Variants in ARHGEF4 observed in about 807,000 individuals in gnomAD.
ARHGEF4 encodes APC-stimulated guanine nucleotide exchange factor 1.
In ARHGEF4, 119 loss-of-function variants were observed where a neutral mutation model predicts 162.0. That is an observed-to-expected ratio of 0.73 (90% CI 0.63 to 0.86). ARHGEF4 has a LOEUF of 0.86. Among genes scored for constraint, ARHGEF4 ranks in the 40% least tolerant of loss-of-function variants. The probability of loss-of-function intolerance (pLI) is 0.00; values close to 1 mark genes in which losing one functional copy is unlikely to be tolerated. For synonymous variants in ARHGEF4, 1,014 were observed against 979.9 expected (o/e 1.03, Z -0.65); for missense variants, 2,488 against 2,456.0 (o/e 1.01, Z -0.28).
rs1386832171 is a variant in ARHGEF4, at chr2:130,916,791, C to G, written c.2845C>G (p.Gln949Glu). The part of the protein sequence containing the change: ...KGEKEKSRLR[Q>E]GSWRAFLKSK... ...CGAGAAGGAGAAGAGCAGGCTGCGC[C>G]AGGGTTCCTGGCGGGCGTTTCTGAA... The change falls in exon 2 of 14, where the codon CAG becomes GAG. Residue 949 changes from glutamine (Q) to glutamate (E), a missense_variant. Coordinates refer to ENST00000409359, the MANE Select transcript of ARHGEF4 (RefSeq NM_001367493.1). 1.1e-5 allele frequency: 17 copies of G among 1,550,406 alleles called. No individual in the cohort carries two copies. Among genetic ancestry groups the G allele is most frequent in the African/African-American group, 1.4e-5 (1 of 73,020 alleles).
At chr2:131,039,768 GGGT>G (rs1690616870) in intron 6 of ARHGEF4, 2 of 1,378,758 alleles carry the variant, frequency 1.5e-6, no homozygotes, top group Non-Finnish European at 1.9e-6. Context: ...GGCACAAGCA[GGGT>G]CTAGGAAGGA....
chr2:130,934,222 G>C (rs1682805472), intron 3 of ARHGEF4, among the ~76,000 whole-genome samples: 1 of 152,138 alleles, frequency 6.6e-6, no homozygotes, highest in Middle Eastern at 3.4e-3. Flanking sequence ...CTATTAATGT[G>C]GTATATTACA....
chr2:131,026,314 T>A (rs1206305912), intron 4 of ARHGEF4, among the ~76,000 whole-genome samples: 3 of 152,220 alleles, frequency 2.0e-5, no homozygotes, highest in Non-Finnish European at 4.4e-5. Flanking sequence ...ATGACTGAGG[T>A]TGGAAAGAAT....
intron 1 of ARHGEF4, 104 bp from the exon 2 acceptor site, chr2:130,913,882 C>A: frequency 7.3e-7 from 1 of 1,377,252 alleles, no homozygotes; most frequent in Non-Finnish European, 9.8e-7. Flanking sequence ...AACTAATGAG[C>A]CATTTCTGAG....
chr2:130,841,403 T>C (rs1451927596), intron 1 of ARHGEF4, among the ~76,000 whole-genome samples: 1 of 147,780 alleles, frequency 6.8e-6, no homozygotes, highest in Non-Finnish European at 1.5e-5. Context: ...TTTCTATTAA[T>C]ACTACACACA....
chr2:130,916,904 C>A lies in ARHGEF4; in HGVS notation c.2958C>A (p.Ser986Arg), dbSNP rs1681534847. The A allele has an allele frequency of 6.4e-7, 1 of 1,550,584 alleles. No homozygotes were observed. Among genetic ancestry groups the A allele is most frequent in the Non-Finnish European group, 8.7e-7 (1 of 1,146,992 alleles). The change falls in exon 2 of 14, where the codon AGC becomes AGA. Residue 986 changes from serine (S) to arginine (R), a missense_variant. Coordinates refer to ENST00000409359, the MANE Select transcript of ARHGEF4 (RefSeq NM_001367493.1). ...TTCTCTCCCCAGCAGAGACCGACAG[C>A]CACTGTGAGGAACGGGCGGAGGACA... is the stretch of plus-strand genomic sequence containing the variant. ...PEVLSPAETD[S>R]HCEERAEDKE...
intron 1 of ARHGEF4, among the ~76,000 whole-genome samples, chr2:130,903,841 A>G (rs542746022): frequency 6.6e-6 from 1 of 152,238 alleles, no homozygotes; most frequent in South Asian, 2.1e-4. Context: ...ATCCATTTAC[A>G]CAAAGGATTT....
chr2:131,035,555 G>T (rs983763218), intron 5 of ARHGEF4: 1 of 651,446 alleles, frequency 1.5e-6, no homozygotes, highest in African/African-American at 1.9e-5. Flanking sequence ...GGATTCAGCT[G>T]GGGCTCCCCG....
intron 4 of ARHGEF4, chr2:131,011,931 A>G: frequency 2.8e-6 from 2 of 701,924 alleles, no homozygotes; most frequent in Non-Finnish European, 5.2e-6. Context: ...CAGATGAAAA[A>G]TGGTTGGATT....
chr2:131,038,821 A>G, intron 5 of ARHGEF4, 32 bp from the exon 6 acceptor site: 1 of 1,578,448 alleles, frequency 6.3e-7, no homozygotes, highest in South Asian at 1.1e-5. Context: ...AGCCTCCCCC[A>G]CTGACCCGCC....
At chr2:131,043,068 AAT>A (rs1483824299) in intron 10 of ARHGEF4, among the ~76,000 whole-genome samples, 1 of 152,196 alleles carries the variant, frequency 6.6e-6, no homozygotes, top group Non-Finnish European at 1.5e-5. Flanking sequence ...ATTTAATTTT[AAT>A]AATGTTTCAT....
chr2:130,983,520 GT>G (rs1013873102), intron 4 of ARHGEF4, among the ~76,000 whole-genome samples: 2 of 152,036 alleles, frequency 1.3e-5, no homozygotes, highest in African/African-American at 2.4e-5. Context: ...AGACATTCCT[GT>G]TTTCATTTTA....
chr2:130,953,215 A>G (rs1397613007), intron 4 of ARHGEF4, among the ~76,000 whole-genome samples: 1 of 152,158 alleles, frequency 6.6e-6, no homozygotes, highest in Non-Finnish European at 1.5e-5. Context: ...AGAGATATAG[A>G]CCAATGGAAC....
chr2:130,989,520 T>G (rs563720186), intron 4 of ARHGEF4, among the ~76,000 whole-genome samples: 19 of 152,340 alleles, frequency 1.2e-4, no homozygotes, highest in African/African-American at 4.1e-4. Context: ...TTTTTAGCAT[T>G]GCACATGACT....
In ARHGEF4 at chr2:131,044,437, A is replaced by C; in HGVS notation, c.5296A>C (p.Thr1766Pro). Residue 1766 changes from threonine to proline, a missense_variant, in exon 12 of 14, where the codon ACA (threonine) becomes CCA (proline). Transcript: ENST00000409359. ...CGCCTTCCGGCTGCACCGTGGCGCC[A>C]CAGGGGACAGCCACCTGCTGTGCAC... Reference protein sequence around the residue: ...KNAFRLHRGATGDSHLLCTRK... With the variant: ...KNAFRLHRGAPGDSHLLCTRK... The C allele has an allele frequency of 1.3e-6, 2 of 1,561,844 alleles. No individual in the cohort carries two copies. The highest frequency in any genetic ancestry group is 1.7e-6 in the Non-Finnish European group (2 of 1,152,984).
At chr2:130,930,768 T>C (rs143850689) in intron 2 of ARHGEF4, among the ~76,000 whole-genome samples, 184 bp from the exon 3 acceptor site, 2,222 of 152,362 alleles carry the variant, frequency 0.015, 61 homozygotes, top group African/African-American at 0.05. Context: ...AGATTTGTTT[T>C]GTTCCTAATC....
At chr2:130,896,819 G>A (rs1680184459) in intron 1 of ARHGEF4, among the ~76,000 whole-genome samples, 1 of 152,232 alleles carries the variant, frequency 6.6e-6, no homozygotes, top group Admixed American at 6.5e-5. Context: ...CAGGGTCCGT[G>A]TCTCAGAGCA....
chr2:130,961,672 G>A (rs113618019), intron 4 of ARHGEF4, among the ~76,000 whole-genome samples: 2,160 of 152,268 alleles, frequency 0.014, 25 homozygotes, highest in Non-Finnish European at 0.022. Flanking sequence ...TGACGCTGTC[G>A]CCAAGCACGG....
At chr2:131,018,551 G>T (rs1320987322) in intron 4 of ARHGEF4, among the ~76,000 whole-genome samples, 1 of 152,084 alleles carries the variant, frequency 6.6e-6, no homozygotes, top group Non-Finnish European at 1.5e-5. Context: ...TCTATGGGTT[G>T]CCTTTTCTCT....
Sources: gnomAD v4.1 joint callset for allele counts (sites outside exome capture counted in the v4.1 genomes callset) on GRCh38, gnomAD v4.1.1 for gene constraint, MANE v1.5 for transcripts, NCBI Gene and HGNC (gene_info 2026-07-23, HGNC 2026-07-21) for gene names.